SLC29A4: variants seen among roughly 807,000 people sequenced by gnomAD.
SLC29A4 encodes equilibrative nucleoside transporter 4.
Under a neutral mutation model 43.9 loss-of-function variants are expected in SLC29A4, and 36 were observed. The ratio of observed to expected loss-of-function variants is 0.82; its 90% CI spans 0.63 to 1.08. The LOEUF is 1.08. Among genes scored for constraint, SLC29A4 ranks in the 50% least tolerant of loss-of-function variants. SLC29A4 has a pLI of 0.00. For missense variants in SLC29A4, 869 were observed against 755.3 expected, an observed-to-expected ratio of 1.15 and a Z score of -1.77; for synonymous variants, 491 against 338.0, an observed-to-expected ratio of 1.45 and a Z score of -4.97.
chr7:5,291,662 C>G (rs766586134), intron 4 of SLC29A4, 31 bp from the exon 5 acceptor site: 33 of 1,560,154 alleles, frequency 2.1e-5, no homozygotes, highest in South Asian at 6.0e-5. Flanking sequence ...GTTGGCTCCA[C>G]CACTCCCCTC....
At chr7:5,294,056 A>T (rs1211026410) in intron 5 of SLC29A4, among the ~76,000 whole-genome samples, 2 of 151,264 alleles carry the variant, frequency 1.3e-5, no homozygotes, top group African/African-American at 4.9e-5. Context: ...CAGTGAGCCG[A>T]GATCGCACCA....
Position 5,304,966 on chromosome 7 carries a change from GCCA to G in SLC29A4, c.*2032_*2034del, listed in dbSNP as rs992805173. The G allele has an allele frequency of 6.6e-6, 1 of 152,278 alleles. No individual in the cohort carries two copies. The highest frequency in any genetic ancestry group is 2.4e-5 in the African/African-American group (1 of 41,430). The allele number at this position is 152,278 out of a possible 1,614,324, so 9.4% of individuals were successfully genotyped here. A position where few individuals can be genotyped will look rare whatever the true frequency, so the allele number is the denominator to read the frequency against. On this transcript the variant is annotated 3_prime_UTR_variant, in exon 11 of 11. Transcript: ENST00000396872. Reference sequence around the variant, plus strand: ...CAAATAGCTGTGAATACAGGCGCGTGCCACCACGTCTGGCCAGATTCTTTTATT... The same window carrying G: ...CAAATAGCTGTGAATACAGGCGCGTGCCACGTCTGGCCAGATTCTTTTATT...
chr7:5,294,822 A>G (rs756736911), intron 5 of SLC29A4, 38 bp from the exon 6 acceptor site: 2 of 1,590,920 alleles, frequency 1.3e-6, no homozygotes, highest in African/African-American at 2.9e-5. Context: ...ACAGGTGATA[A>G]TGGTGCCTCT....
chr7:5,294,566 T>C lies in SLC29A4; in HGVS notation c.545-294T>C, dbSNP rs182312533. 1.8e-3 allele frequency among the ~76,000 whole-genome samples: 278 copies of C among 152,212 alleles called. 4 individuals are homozygous for C. The highest frequency in any genetic ancestry group is 6.2e-3 in the African/African-American group (259 of 41,526). On this transcript the variant is annotated intron_variant, in intron 5 of 10. Transcript: ENST00000396872. ...CGTAACACATGGCCTCTCCTGTCCC[T>C]GCCCATGGGAAGAAGAAAGGTTGAA...
intron 9 of SLC29A4, 80 bp from the exon 10 acceptor site, chr7:5,300,342 T>G: frequency 6.3e-7 from 1 of 1,594,964 alleles, no homozygotes; most frequent in African/African-American, 1.4e-5. Context: ...GGGATGGGGA[T>G]GTGGCTAGAG....
intron 1 of SLC29A4, among the ~76,000 whole-genome samples, chr7:5,285,793 C>A (rs931623322): frequency 6.6e-6 from 1 of 152,178 alleles, no homozygotes; most frequent in Non-Finnish European, 1.5e-5. Context: ...GAGAAGATCA[C>A]TTGAGCCCAG....
At chr7:5,292,689 CCT>C (rs1785381177) in intron 5 of SLC29A4, among the ~76,000 whole-genome samples, 2 of 85,736 alleles carry the variant, frequency 2.3e-5, no homozygotes, top group Admixed American at 2.5e-4. Context: ...ACATTTTTTT[CCT>C]TTTTTTTTTT....
At chr7:5,295,968 C>G (rs1158735828) in intron 6 of SLC29A4, among the ~76,000 whole-genome samples, 6 of 152,092 alleles carry the variant, frequency 3.9e-5, no homozygotes, top group Non-Finnish European at 8.8e-5. Flanking sequence ...CCTGACCCAC[C>G]CTGCCTCACA....
chr7:5,300,501 T>A lies in SLC29A4; in HGVS notation c.1289T>A (p.Leu430His). 1 of 1,611,966 alleles carries A rather than the reference T, an allele frequency of 6.2e-7. No homozygotes were observed. Among genetic ancestry groups the A allele is most frequent in the Non-Finnish European group, 8.5e-7 (1 of 1,179,772 alleles). The change falls in exon 10 of 11, where the codon CTC becomes CAC. Residue 430 changes from leucine (L) to histidine (H), a missense_variant. Coordinates refer to ENST00000396872, the MANE Select transcript of SLC29A4 (RefSeq NM_153247.4). Reference sequence around the variant, plus strand: ...TGCCTGCGTGTGGTCTTCATCCCCCTCTTCATCCTGTGCGTCTACCCCAGC... The same window carrying A: ...TGCCTGCGTGTGGTCTTCATCCCCCACTTCATCCTGTGCGTCTACCCCAGC... ...CSCLRVVFIP[L>H]FILCVYPSGM... is the part of the protein sequence containing the mutation.
At chr7:5,285,975 A>G (rs1311168772) in intron 1 of SLC29A4, among the ~76,000 whole-genome samples, 2 of 152,012 alleles carry the variant, frequency 1.3e-5, no homozygotes, top group Non-Finnish European at 2.9e-5. Flanking sequence ...GCGCCACTGC[A>G]CTCCAGCCTT....
chr7:5,296,171 C>T (rs1331917791), intron 6 of SLC29A4, among the ~76,000 whole-genome samples: 2 of 152,152 alleles, frequency 1.3e-5, no homozygotes, highest in African/African-American at 4.8e-5. Flanking sequence ...ACCTCCGCGT[C>T]AAAGGTCCCC....
chr7:5,291,390 G>A (rs184502870), intron 4 of SLC29A4, among the ~76,000 whole-genome samples, 153 bp downstream of exon 4: 90 of 152,342 alleles, frequency 5.9e-4, no homozygotes, highest in African/African-American at 1.9e-3. Flanking sequence ...GTAAGACACC[G>A]TGGTGGGGCC....
At position 5,300,463 on chromosome 7, in the gene SLC29A4, G is replaced by A; in HGVS notation, c.1251G>A (p.Leu417=). 6.2e-7 allele frequency: 1 copy of A among 1,611,358 alleles called. No individual in the cohort carries two copies. The highest frequency in any genetic ancestry group is 8.5e-7 in the Non-Finnish European group (1 of 1,179,744). ...CCGTGGACTGGCGGGGCACCCACCT[G>A]CTGGCCTGCTCCTGCCTGCGTGTGG... ...ALPVDWRGTH[L]LACSCLRVVF... The change falls in exon 10 of 11, where the codon CTG becomes CTA. Residue 417 remains leucine, a synonymous_variant. Transcript: ENST00000396872.
chr7:5,286,300 A>G (rs1282989812), intron 1 of SLC29A4, among the ~76,000 whole-genome samples: 1 of 151,960 alleles, frequency 6.6e-6, no homozygotes, highest in Non-Finnish European at 1.5e-5. Flanking sequence ...CGAGGCGGGC[A>G]GATCACAAGG....
chr7:5,302,681 G>A (rs550220380), intron 10 of SLC29A4, 116 bp from the exon 11 acceptor site: 25 of 1,006,362 alleles, frequency 2.5e-5, no homozygotes, highest in East Asian at 1.9e-4. Context: ...ATGGGGCAGC[G>A]GGTCCTGGAG....
At position 5,299,313 on chromosome 7, in the gene SLC29A4, C is replaced by T. The variant is rs149425007; in HGVS notation, c.1095C>T (p.Phe365=). 1.1e-4 allele frequency: 175 copies of T among 1,612,068 alleles called. No individual in the cohort carries two copies. The African/African-American group carries it at 1.9e-3, about 18-fold the overall frequency. The change falls in exon 9 of 11, where the codon TTC becomes TTT. Residue 365 remains phenylalanine, a synonymous_variant. Coordinates refer to ENST00000396872, the MANE Select transcript of SLC29A4 (RefSeq NM_153247.4). The stretch of plus-strand genomic sequence containing the variant: ...TGCTCTCCATCGCCGTGACCTACTT[C>T]ATCACGCTGTGCCTGTTCCCCGGCC... ...ADMLSIAVTY[F]ITLCLFPGLE... is the part of the protein sequence containing the mutation.
chr7:5,291,567 T>A (rs976705183), intron 4 of SLC29A4, 126 bp from the exon 5 acceptor site: 85 of 1,309,828 alleles, frequency 6.5e-5, no homozygotes, highest in Non-Finnish European at 8.4e-5. Flanking sequence ...TCGTAAAGCA[T>A]CCCTGGCCCT....
intron 1 of SLC29A4, among the ~76,000 whole-genome samples, chr7:5,284,113 C>T (rs1468831541): frequency 4.7e-5 from 7 of 149,038 alleles, no homozygotes; most frequent in African/African-American, 9.9e-5. Context: ...TGGCCAGAAG[C>T]AGTGGCTCAC....
intron 6 of SLC29A4, among the ~76,000 whole-genome samples, chr7:5,296,062 A>G (rs1202572484): frequency 2.0e-5 from 3 of 151,978 alleles, no homozygotes; most frequent in African/African-American, 4.8e-5. Context: ...CGTGACCCTA[A>G]TGGCGGCTTC....
Sources: gnomAD v4.1 joint callset for allele counts (sites outside exome capture counted in the v4.1 genomes callset) on GRCh38, gnomAD v4.1.1 for gene constraint, MANE v1.5 for transcripts, NCBI Gene and HGNC (gene_info 2026-07-23, HGNC 2026-07-21) for gene names.